The following PLET1 variants were observed in gnomAD, a reference collection of about 807,000 sequenced individuals.
PLET1 encodes the protein placenta-expressed transcript 1 protein.
In PLET1, 20 loss-of-function variants were observed where a neutral mutation model predicts 18.5. That is an observed-to-expected ratio of 1.08 (90% CI 0.76 to 1.57). The LOEUF (loss-of-function observed/expected upper bound fraction) is 1.57. PLET1 is among the 40% of genes most tolerant of loss of function. The probability of loss-of-function intolerance (pLI) is 0.00; values close to 1 mark genes in which losing one functional copy is unlikely to be tolerated. For synonymous variants in PLET1, 93 were observed against 93.8 expected, an observed-to-expected ratio of 0.99 and a Z score of 0.05; for missense variants, 256 against 246.4, an observed-to-expected ratio of 1.04 and a Z score of -0.26.
intron 1 of PLET1, 131 bp downstream of exon 1, chr11:112,260,275 C>G: frequency 1.1e-6 from 1 of 939,316 alleles, no homozygotes. Flanking sequence ...TCTTCCTTCC[C>G]TTGCTTCCCA....
At chr11:112,256,150 G>A (rs766368301) in intron 1 of PLET1, among the ~76,000 whole-genome samples, 25 of 152,202 alleles carry the variant, frequency 1.6e-4, no homozygotes, top group Admixed American at 1.6e-3. Context: ...TTGAGCCACA[G>A]GGGCCCTAAC....
At chr11:112,259,306 C>A (rs1592892872) in intron 1 of PLET1, among the ~76,000 whole-genome samples, 1 of 152,142 alleles carries the variant, frequency 6.6e-6, no homozygotes, top group African/African-American at 2.4e-5. Flanking sequence ...GGGACCTGAG[C>A]AAGAGTCACT....
In PLET1 at chr11:112,260,570, A is replaced by G. The variant is rs1304891777; in HGVS notation, c.20T>C (p.Met7Thr). The G allele has an allele frequency of 2.6e-6, 4 of 1,551,416 alleles. No individual in the cohort carries two copies. The Admixed American group carries it at 5.9e-5, about 23-fold the overall frequency. The change falls in exon 1 of 4, where the codon ATG (methionine) becomes ACG (threonine). Residue 7 changes from methionine (M) to threonine (T), a missense_variant. By Grantham distance (81) the Met-to-Thr change is moderately conservative. Transcript: ENST00000338832. ...AAACATCCCCAGTGGCTGCAGCAGC[A>G]TGTCATGGAAGACTGCCATGGTCTC... MAVFHD[M>T]LLQPLGMFLC...
At chr11:112,251,283 TAAAAA>T (rs11317998) in intron 3 of PLET1, among the ~76,000 whole-genome samples, 24 of 148,052 alleles carry the variant, frequency 1.6e-4, no homozygotes, top group African/African-American at 5.4e-4. Flanking sequence ...TTTTGTAAAT[TAAAAA>T]AAAAAAAAAA....
intron 1 of PLET1, 137 bp from the exon 2 acceptor site, chr11:112,255,726 C>G: frequency 1.4e-6 from 1 of 732,674 alleles, no homozygotes. Context: ...TATGGTCTCA[C>G]TGTTGTAAAA....
Position 112,260,428 on chromosome 11 carries a change from G to A in PLET1, c.162C>T (p.Tyr54=), listed in dbSNP as rs769057896. ...TLDIKASSHI[Y]ESNAVYSVFV... ...CACCAGAATAGACTGCATTGCTTTC[G>A]TAGATATGTGAACTGGCCTTGATGT... Residue 54 remains tyrosine, a synonymous_variant, in exon 1 of 4, where the codon TAC becomes TAT. Coordinates refer to ENST00000338832, the MANE Select transcript of PLET1 (RefSeq NM_001145024.1). The A allele has an allele frequency of 3.2e-6, 5 of 1,551,670 alleles. No homozygotes were observed. The highest frequency in any genetic ancestry group is 1.7e-4 in the Middle Eastern group (1 of 5,992).
At position 112,260,483 on chromosome 11, in the gene PLET1, G is replaced by T. The variant is rs189322508; in HGVS notation, c.107C>A (p.Thr36Asn). The T allele has an allele frequency of 6.4e-7, 1 of 1,551,758 alleles. No homozygotes were observed. The highest frequency in any genetic ancestry group is 2.0e-5 in the Admixed American group (1 of 50,998). The change falls in exon 1 of 4, where the codon ACC becomes AAC. Residue 36 changes from threonine (T) to asparagine (N), a missense_variant. Coordinates refer to ENST00000338832, the MANE Select transcript of PLET1 (RefSeq NM_001145024.1). ...TFIRYSSTCF[T>N]FDEYYTITLD... ...GGTTATGGTGTAGTATTCATCAAAG[G>T]TGAAGCAGGTGCTACTGTACCTTAT...
chr11:112,258,247 C>G (rs1052244136), intron 1 of PLET1, among the ~76,000 whole-genome samples: 3 of 151,546 alleles, frequency 2.0e-5, no homozygotes, highest in Non-Finnish European at 4.4e-5. Context: ...GTTTCCCCCT[C>G]CATAGCATCT....
At chr11:112,252,248 C>T (rs933671895) in intron 3 of PLET1, 100 bp downstream of exon 3, 18 of 1,011,014 alleles carry the variant, frequency 1.8e-5, no homozygotes, top group African/African-American at 3.2e-5. Flanking sequence ...CTGAGTGATG[C>T]GTGGTAAGAA....
chr11:112,254,205 G>GTT, intron 2 of PLET1, among the ~76,000 whole-genome samples: 2 of 150,044 alleles, frequency 1.3e-5, no homozygotes, highest in African/African-American at 4.9e-5. Context: ...GTGTGTGTGT[G>GTT]TGTGTGTGTG....
intron 2 of PLET1, among the ~76,000 whole-genome samples, chr11:112,254,415 ATGGTATGTACGTGTGTG>A (rs1162405510): frequency 8.3e-6 from 1 of 120,694 alleles, no homozygotes; most frequent in Non-Finnish European, 1.7e-5. Flanking sequence ...TCGTGTGTGT[ATGGTATGTACGTGTGTG>A]TGGTATGTAC....
intron 3 of PLET1, among the ~76,000 whole-genome samples, chr11:112,249,257 A>G (rs1459653418): frequency 6.6e-6 from 1 of 152,230 alleles, no homozygotes; most frequent in Non-Finnish European, 1.5e-5. Flanking sequence ...TATTGAATTT[A>G]TACAACTGCT....
chr11:112,248,654 G>T lies in PLET1; in HGVS notation c.*145C>A. On this transcript the variant is annotated 3_prime_UTR_variant, in exon 4 of 4. Coordinates refer to ENST00000338832, the MANE Select transcript of PLET1 (RefSeq NM_001145024.1). Reference sequence around the variant, plus strand: ...TGCCAATGAGTGCCTCCAGATCTTTGTTTTGGTCTGAAGCCGTGGCAGCAA... The same window carrying T: ...TGCCAATGAGTGCCTCCAGATCTTTTTTTTGGTCTGAAGCCGTGGCAGCAA... 1.1e-6 allele frequency: 1 copy of T among 899,170 alleles called. No individual in the cohort carries two copies. The highest frequency in any genetic ancestry group is 1.7e-6 in the Non-Finnish European group (1 of 600,150). 55.7% of individuals were successfully genotyped at this position (899,170 alleles called of 1,614,324 possible).
Position 112,260,492 on chromosome 11 carries a change from G to T in PLET1, c.98C>A (p.Thr33Asn), listed in dbSNP as rs1592893336. The T allele has an allele frequency of 6.4e-7, 1 of 1,551,596 alleles. No individual in the cohort carries two copies. The highest frequency in any genetic ancestry group is 2.0e-5 in the Admixed American group (1 of 50,984). The change falls in exon 1 of 4, where the codon ACC becomes AAC. Residue 33 changes from threonine (T) to asparagine (N), a missense_variant. Thr to Asn is a moderately conservative substitution (Grantham distance 65). Transcript: ENST00000338832. Reference protein sequence around the residue: ...SSATFIRYSSTCFTFDEYYTI... With the variant: ...SSATFIRYSSNCFTFDEYYTI... ...GTAGTATTCATCAAAGGTGAAGCAG[G>T]TGCTACTGTACCTTATAAAGGTGGC...
rs1592888524 is a variant in PLET1 at position 112,250,037 on chromosome 11, C to T, written c.449-1063G>A. ...AGTCGACTCAGGCCTGTGGAGTCTT[C>T]TTCCCGCCTGGAGGGTGCCTTCCAG... is the stretch of plus-strand genomic sequence containing the variant. On this transcript the variant is annotated intron_variant, in intron 3 of 3. Coordinates refer to ENST00000338832, the MANE Select transcript of PLET1 (RefSeq NM_001145024.1). Among the ~76,000 whole-genome samples the T allele has an allele frequency of 8.0e-5, 12 of 149,166 alleles. No homozygotes were observed. In the South Asian group the frequency reaches 2.6e-3, roughly 32 times the overall value.
Position 112,260,403 on chromosome 11 carries a change from C to G in PLET1, c.184+3G>C, listed in dbSNP as rs1860275791. On this transcript the variant is annotated splice_donor_region_variant and intron_variant, in intron 1 of 3. Transcript: ENST00000338832. Reference sequence around the variant, plus strand: ...GACAGCAGAGAGCATGGCTTCTACTCACCAGAATAGACTGCATTGCTTTCG... The same window carrying G: ...GACAGCAGAGAGCATGGCTTCTACTGACCAGAATAGACTGCATTGCTTTCG... The G allele has an allele frequency of 6.5e-7, 1 of 1,550,272 alleles. No individual in the cohort carries two copies.
At chr11:112,251,439 C>T (rs561625854) in intron 3 of PLET1, among the ~76,000 whole-genome samples, 115 of 152,214 alleles carry the variant, frequency 7.6e-4, no homozygotes, top group African/African-American at 2.7e-3. Context: ...TAAAAATTAG[C>T]CAGGCATGGT....
chr11:112,258,517 C>G (rs1258176595), intron 1 of PLET1, among the ~76,000 whole-genome samples: 1 of 152,146 alleles, frequency 6.6e-6, no homozygotes, highest in Non-Finnish European at 1.5e-5. Flanking sequence ...CTCTTGAGCT[C>G]AAGCAATTTG....
At chr11:112,253,511 A>G (rs545533634) in intron 2 of PLET1, among the ~76,000 whole-genome samples, 1 of 152,290 alleles carries the variant, frequency 6.6e-6, no homozygotes, top group African/African-American at 2.4e-5. Context: ...CCATGCTGTC[A>G]GTGGGATTGG....
Sources: gnomAD v4.1 joint callset for allele counts (sites outside exome capture counted in the v4.1 genomes callset) on GRCh38, gnomAD v4.1.1 for gene constraint, MANE v1.5 for transcripts, NCBI Gene and HGNC (gene_info 2026-07-23, HGNC 2026-07-21) for gene names.